Variants in PLPPR1 observed in about 807,000 individuals in gnomAD.
PLPPR1 encodes the protein phospholipid phosphatase-related protein type 1.
In PLPPR1, 10 loss-of-function variants were observed where a neutral mutation model predicts 33.1. That is an observed-to-expected ratio of 0.30 (90% CI 0.19 to 0.51). The LOEUF is 0.51. PLPPR1 is among the 20% of genes least tolerant of loss of function. PLPPR1 has a pLI of 0.97. For missense variants in PLPPR1, 304 were observed against 408.1 expected, an observed-to-expected ratio of 0.74 and a Z score of 2.20; for synonymous variants, 151 against 151.0, an observed-to-expected ratio of 1.00 and a Z score of 0.00.
At chr9:101,286,640 C>T (rs1249555965) in intron 4 of PLPPR1, among the ~76,000 whole-genome samples, 2 of 152,058 alleles carry the variant, frequency 1.3e-5, no homozygotes, top group Non-Finnish European at 2.9e-5. Context: ...GGGAATTTAA[C>T]AAAGAGTGGG....
At chr9:101,266,096 T>C (rs1010298712) in intron 2 of PLPPR1, among the ~76,000 whole-genome samples, 2 of 151,706 alleles carry the variant, frequency 1.3e-5, no homozygotes, top group Non-Finnish European at 2.9e-5. Flanking sequence ...AATAGCATTA[T>C]TGGGGGACTT....
At chr9:101,202,719 T>C (rs2118750827) in intron 2 of PLPPR1, among the ~76,000 whole-genome samples, 1 of 152,332 alleles carries the variant, frequency 6.6e-6, no homozygotes, top group South Asian at 2.1e-4. Context: ...GCTAGGGATT[T>C]CTAGAAGGCT....
chr9:101,078,328 G>A (rs1462703539), intron 1 of PLPPR1, among the ~76,000 whole-genome samples: 2 of 151,016 alleles, frequency 1.3e-5, no homozygotes, highest in Non-Finnish European at 2.9e-5. Context: ...CCTGTTCAGA[G>A]TAGAATGCAG....
In PLPPR1 at chr9:101,322,106, C is replaced by G. The variant is rs1479466058; in HGVS notation, c.946-1919C>G. ...CCAGCTACTCAGGAGGCTGAGGCAACACAATCGCTTGAACCCAAGAGGCAT... is the reference window on the plus strand; with the variant it reads ...CCAGCTACTCAGGAGGCTGAGGCAAGACAATCGCTTGAACCCAAGAGGCAT... On this transcript the variant is annotated intron_variant, in intron 7 of 7. Coordinates refer to ENST00000374874, the MANE Select transcript of PLPPR1 (RefSeq NM_207299.2). 2.2e-5 allele frequency among the ~76,000 whole-genome samples: 3 copies of G among 139,276 alleles called. No homozygotes were observed. In the Admixed American group the frequency reaches 2.3e-4, roughly 11 times the overall value. 91.4% of individuals were successfully genotyped at this position (139,276 alleles called of 152,430 possible). A position where few individuals can be genotyped will look rare whatever the true frequency, so the allele number is the denominator to read the frequency against.
intron 1 of PLPPR1, among the ~76,000 whole-genome samples, chr9:101,149,361 A>G (rs952260194): frequency 1.3e-5 from 2 of 152,134 alleles, no homozygotes; most frequent in Admixed American, 6.6e-5. Context: ...CCTTACAATC[A>G]TTACCATGTT....
rs375128577 is a variant in PLPPR1 at position 101,240,215 on chromosome 9, GATTT to G, written c.64-29658_64-29655del. Among the ~76,000 whole-genome samples the G allele has an allele frequency of 1.6e-3, 250 of 152,024 alleles. 3 individuals carry two copies. The highest frequency in any genetic ancestry group is 5.3e-3 in the Admixed American group (81 of 15,252). ...AAAATCAGTTTACTCCGAATATGAG[GATTT>G]ATTTATGGGTTCTCTGTTCCATTTC... On this transcript the variant is annotated intron_variant, in intron 2 of 7. Transcript: ENST00000374874.
chr9:101,191,459 T>A (rs12346256), intron 2 of PLPPR1, among the ~76,000 whole-genome samples: 20,598 of 152,118 alleles, frequency 0.14, 1,591 homozygotes, highest in East Asian at 0.28. Flanking sequence ...TCCACTTCTG[T>A]TACTCTTTCT....
At chr9:101,296,620 TA>T (rs1828646488) in intron 4 of PLPPR1, among the ~76,000 whole-genome samples, 2 of 152,150 alleles carry the variant, frequency 1.3e-5, no homozygotes, top group South Asian at 4.1e-4. Flanking sequence ...TATGCAGCCA[TA>T]AAAAATGAGT....
intron 7 of PLPPR1, among the ~76,000 whole-genome samples, chr9:101,319,788 G>T (rs574569937): frequency 6.6e-6 from 1 of 152,278 alleles, no homozygotes; most frequent in South Asian, 2.1e-4. Flanking sequence ...CTATTTTGGG[G>T]TGGTAAAATG....
intron 1 of PLPPR1, among the ~76,000 whole-genome samples, chr9:101,039,884 G>A (rs77136942): frequency 0.03 from 4,507 of 150,356 alleles, 159 homozygotes; most frequent in African/African-American, 0.089. Context: ...ATTCAAGAAG[G>A]GATTTTTGTG....
chr9:101,046,682 A>T (rs1316830602), intron 1 of PLPPR1, among the ~76,000 whole-genome samples: 1 of 151,892 alleles, frequency 6.6e-6, no homozygotes, highest in African/African-American at 2.4e-5. Flanking sequence ...TGACCTCGTG[A>T]TCCACCTGCC....
intron 1 of PLPPR1, among the ~76,000 whole-genome samples, chr9:101,182,691 TG>T (rs1040895915): frequency 2.6e-5 from 4 of 151,482 alleles, no homozygotes; most frequent in African/African-American, 9.7e-5. Context: ...ATGAAAAAGA[TG>T]GAAAAAATAA....
chr9:101,043,121 A>G (rs1830098769), intron 1 of PLPPR1, among the ~76,000 whole-genome samples: 1 of 151,482 alleles, frequency 6.6e-6, no homozygotes, highest in Non-Finnish European at 1.5e-5. Context: ...TTCCTTCCTC[A>G]TAGTTTAGCT....
intron 1 of PLPPR1, among the ~76,000 whole-genome samples, chr9:101,078,882 C>A (rs1233361373): frequency 6.6e-6 from 1 of 152,168 alleles, no homozygotes; most frequent in Non-Finnish European, 1.5e-5. Context: ...CACCCTCAAG[C>A]TTGATTCTGA....
At chr9:101,269,222 C>T (rs958328126) in intron 2 of PLPPR1, among the ~76,000 whole-genome samples, 24 of 151,736 alleles carry the variant, frequency 1.6e-4, no homozygotes, top group African/African-American at 4.1e-4. Context: ...CTAAATCTTA[C>T]GAAGGCTATA....
chr9:101,167,929 C>T (rs1255660389), intron 1 of PLPPR1, among the ~76,000 whole-genome samples: 1 of 152,130 alleles, frequency 6.6e-6, no homozygotes, highest in Non-Finnish European at 1.5e-5. Context: ...GTCTCAAAAT[C>T]AAAGGCAAAG....
At chr9:101,084,874 A>G (rs1417181512) in intron 1 of PLPPR1, among the ~76,000 whole-genome samples, 1 of 152,196 alleles carries the variant, frequency 6.6e-6, no homozygotes, top group Non-Finnish European at 1.5e-5. Flanking sequence ...TGGCCAGAGA[A>G]TGCATGTCCC....
At chr9:101,115,828 C>T (rs1354546955) in intron 1 of PLPPR1, among the ~76,000 whole-genome samples, 3 of 152,224 alleles carry the variant, frequency 2.0e-5, no homozygotes, top group African/African-American at 4.8e-5. Flanking sequence ...TCTTGCTTTC[C>T]TTATTCTCAT....
intron 2 of PLPPR1, among the ~76,000 whole-genome samples, chr9:101,198,396 A>G (rs1051967340): frequency 1.3e-5 from 2 of 152,244 alleles, no homozygotes; most frequent in African/African-American, 4.8e-5. Context: ...GTCTAAGATC[A>G]TACAACTGAT....
Sources: gnomAD v4.1 joint callset for allele counts (sites outside exome capture counted in the v4.1 genomes callset) on GRCh38, gnomAD v4.1.1 for gene constraint, MANE v1.5 for transcripts, NCBI Gene and HGNC (gene_info 2026-07-23, HGNC 2026-07-21) for gene names.